The following ZNF577 variants were observed in gnomAD, a reference collection of about 807,000 sequenced individuals.
ZNF577 encodes zinc finger protein 577.
Under a neutral mutation model 13.9 loss-of-function variants are expected in ZNF577, and 14 were observed. The ratio of observed to expected loss-of-function variants is 1.00; its 90% CI spans 0.66 to 1.57. The LOEUF is 1.57. ZNF577 is among the 40% of genes most tolerant of loss of function. ZNF577 has a pLI of 0.00. For missense variants in ZNF577, 555 were observed against 579.2 expected, an observed-to-expected ratio of 0.96 and a Z score of 0.43; for synonymous variants, 203 against 202.9, an observed-to-expected ratio of 1.00 and a Z score of 0.00.
rs2084841300 is a variant in ZNF577 at position 51,880,323 on chromosome 19, C to T, written c.60G>A (p.Glu20=). ...VRREQGSSSG[E]GSLSFEDVAV... ...GCTCTCACAGCAATGACAAATTTACCTCCCCTGAAGAACTGCCTTGCTCTC... is the reference window on the plus strand; with the variant it reads ...GCTCTCACAGCAATGACAAATTTACTTCCCCTGAAGAACTGCCTTGCTCTC... Residue 20 remains glutamate, a splice_region_variant and synonymous_variant, in exon 3 of 6, where the codon GAG becomes GAA. Coordinates refer to ENST00000638348, the MANE Select transcript of ZNF577 (RefSeq NM_001370449.1). 1 of 1,613,878 alleles carries T rather than the reference C, an allele frequency of 6.2e-7. No homozygotes were observed. Among genetic ancestry groups the T allele is most frequent in the Non-Finnish European group, 8.5e-7 (1 of 1,179,974 alleles).
At position 51,868,484 on chromosome 19, in the gene ZNF577, C is replaced by T. The variant is rs1051858633; in HGVS notation, c.*4048G>A. 3.9e-5 allele frequency among the ~76,000 whole-genome samples: 6 copies of T among 152,160 alleles called. No homozygotes were observed. The highest frequency in any genetic ancestry group is 1.3e-4 in the Admixed American group (2 of 15,274). ...AATGGGATTCTGTAGGACTGCTTCC[C>T]ACCTCAGCCACACAGCAGGGCAGAC... On this transcript the variant is annotated 3_prime_UTR_variant, in exon 6 of 6. Coordinates refer to ENST00000638348, the MANE Select transcript of ZNF577 (RefSeq NM_001370449.1).
chr19:51,873,432 A>G lies in ZNF577; in HGVS notation c.558T>C (p.His186=), dbSNP rs2084699514. 4.3e-6 allele frequency: 7 copies of G among 1,614,026 alleles called. No homozygotes were observed. Among genetic ancestry groups the G allele is most frequent in the Non-Finnish European group, 5.1e-6 (6 of 1,180,002 alleles). The change falls in exon 6 of 6, where the codon CAT becomes CAC. Residue 186 remains histidine, a synonymous_variant. Coordinates refer to ENST00000638348, the MANE Select transcript of ZNF577 (RefSeq NM_001370449.1). ...HQRTERGEKP[H]GCGECGKTFM... is the part of the protein sequence containing the mutation. ...ATGTTTTCCCACATTCACCACATCC[A>G]TGGGGTTTCTCTCCTCTTTCAGTTC... is the stretch of plus-strand genomic sequence containing the variant.
chr19:51,866,191 T>C (rs190310146), downstream of ZNF577, among the ~76,000 whole-genome samples: 114 of 151,608 alleles, frequency 7.5e-4, no homozygotes, highest in African/African-American at 2.6e-3. Flanking sequence ...ACTTGAACAC[T>C]TATAATTGGG....
chr19:51,825,468 A>G (rs1468125402), intron 9 of ZNF577: 1 of 166,884 alleles, frequency 6.0e-6, no homozygotes, highest in African/African-American at 2.4e-5. Flanking sequence ...CCACAATTAG[A>G]AAGGCAAGGG....
downstream of ZNF577, among the ~76,000 whole-genome samples, chr19:51,864,941 C>A (rs1315845285): frequency 6.6e-6 from 1 of 152,142 alleles, no homozygotes; most frequent in Non-Finnish European, 1.5e-5. Context: ...AATAAGTACC[C>A]AGAAAAGAGG....
Position 51,877,371 on chromosome 19 carries a change from C to T in ZNF577, c.194G>A (p.Arg65Gln), listed in dbSNP as rs137892890. Residue 65 changes from arginine (R) to glutamine (Q), a missense_variant, in exon 5 of 6, where the codon CGA (arginine) becomes CAA (glutamine). Coordinates refer to ENST00000638348, the MANE Select transcript of ZNF577 (RefSeq NM_001370449.1). ...GAAGAGCGAATCTGGCTTGGTGCCT[C>T]GATACCCTGTAAATGGGAGATCACT... The part of the protein sequence containing the change: ...NYINLVSIGY[R>Q]GTKPDSLFKL... 29 of 1,613,848 alleles carry T rather than the reference C, an allele frequency of 1.8e-5. No individual in the cohort carries two copies. In the South Asian group the frequency reaches 3.0e-4, roughly 17 times the overall value.
chr19:51,817,527 T>A (rs77253816), intron 9 of ZNF577, among the ~76,000 whole-genome samples: 14 of 151,698 alleles, frequency 9.2e-5, no homozygotes, highest in South Asian at 4.2e-4. Flanking sequence ...TTTTTTTTTT[T>A]AAATTATTGT....
At chr19:51,831,018 T>A (rs1339488071) in intron 9 of ZNF577, among the ~76,000 whole-genome samples, 1 of 152,214 alleles carries the variant, frequency 6.6e-6, no homozygotes, top group African/African-American at 2.4e-5. Context: ...AACAGTTGCT[T>A]GACAAATCTT....
intron 9 of ZNF577, among the ~76,000 whole-genome samples, chr19:51,818,748 G>T (rs2084164359): frequency 6.6e-6 from 1 of 152,202 alleles, no homozygotes; most frequent in African/African-American, 2.4e-5. Context: ...CATGGGTCCA[G>T]CACAGTGTGT....
intron 5 of ZNF577, among the ~76,000 whole-genome samples, chr19:51,876,369 G>A (rs972252657): frequency 3.9e-5 from 6 of 152,104 alleles, no homozygotes; most frequent in Admixed American, 1.3e-4. Flanking sequence ...TAGCAGACAT[G>A]CTACTTTGCG....
intron 10 of ZNF577, among the ~76,000 whole-genome samples, chr19:51,807,397 C>T (rs370639148): frequency 3.3e-5 from 5 of 152,322 alleles, no homozygotes; most frequent in Middle Eastern, 3.4e-3. Flanking sequence ...CCACATCCTG[C>T]ATTCATGATA....
rs868490063 is a variant in ZNF577, at chr19:51,882,995, T to A, written c.-218-2118A>T. 1.0e-3 allele frequency among the ~76,000 whole-genome samples: 94 copies of A among 91,622 alleles called. No homozygotes were observed. In the South Asian group the frequency reaches 0.013, roughly 12 times the overall value. 60.1% of individuals were successfully genotyped at this position (91,622 alleles called of 152,430 possible). A position where few individuals can be genotyped will look rare whatever the true frequency, so the allele number is the denominator to read the frequency against. ...TTTGTGTGGGCTTTTTAAAAAAAAT[T>A]TTTTTTTTTTTTTTTTTGAGAAGGA... On this transcript the variant is annotated intron_variant, in intron 1 of 5. Coordinates refer to ENST00000638348, the MANE Select transcript of ZNF577 (RefSeq NM_001370449.1).
At chr19:51,878,268 C>T (rs959877480) in intron 4 of ZNF577, 121 bp downstream of exon 4, 12 of 1,112,566 alleles carry the variant, frequency 1.1e-5, no homozygotes, top group South Asian at 2.1e-5. Flanking sequence ...ATATATTTTA[C>T]CACCACAACA....
chr19:51,826,666 C>A (rs1482799349), intron 9 of ZNF577, among the ~76,000 whole-genome samples: 3 of 152,174 alleles, frequency 2.0e-5, no homozygotes, highest in Admixed American at 2.0e-4. Context: ...TGCAGTATTG[C>A]AGTAAACATG....
In ZNF577 at chr19:51,872,596, T is replaced by A. The variant is rs774453299; in HGVS notation, c.1394A>T (p.Glu465Val). ...TATTACTGATGGGGCCACATTCACT[T>A]CATTTGTGAGGCTTATTCTCTGTTC... ...EFEQRISLTN[E>V]VNVAPSVINY... The change falls in exon 6 of 6, where the codon GAA becomes GTA. Residue 465 changes from glutamate (E) to valine (V), a missense_variant. Coordinates refer to ENST00000638348, the MANE Select transcript of ZNF577 (RefSeq NM_001370449.1). 9.3e-6 allele frequency: 15 copies of A among 1,613,644 alleles called. No individual in the cohort carries two copies. The African/African-American group carries it at 2.0e-4, about 22-fold the overall frequency.
intron 3 of ZNF577, among the ~76,000 whole-genome samples, chr19:51,880,084 C>A (rs1260242854): frequency 6.6e-6 from 1 of 152,204 alleles, no homozygotes; most frequent in African/African-American, 2.4e-5. Flanking sequence ...GGCTTTATCA[C>A]TGGGCAAAGT....
At chr19:51,813,068 G>A (rs570407148) in intron 9 of ZNF577, among the ~76,000 whole-genome samples, 5 of 151,640 alleles carry the variant, frequency 3.3e-5, no homozygotes, top group South Asian at 2.1e-4. Context: ...GCAATGGGCC[G>A]AGATCACGCC....
rs1312820676 is a variant in ZNF577 at position 51,869,346 on chromosome 19, T to C, written c.*3186A>G. 6.6e-6 allele frequency among the ~76,000 whole-genome samples: 1 copy of C among 152,202 alleles called. No individual in the cohort carries two copies. The highest frequency in any genetic ancestry group is 2.4e-5 in the African/African-American group (1 of 41,442). On this transcript the variant is annotated 3_prime_UTR_variant, in exon 6 of 6. Transcript: ENST00000638348. The stretch of plus-strand genomic sequence containing the variant: ...GTTCTTTACTGCACTGAGATATTTG[T>C]GTAAAGTCAAACATAAATCTGGCCT...
At chr19:51,862,327 T>C (rs994810838), downstream of ZNF577, 2 of 152,476 alleles carry the variant, frequency 1.3e-5, no homozygotes, top group African/African-American at 4.8e-5. Context: ...CCTTACTGCA[T>C]GATGAGTTTT....
Sources: gnomAD v4.1 joint callset for allele counts (sites outside exome capture counted in the v4.1 genomes callset) on GRCh38, gnomAD v4.1.1 for gene constraint, MANE v1.5 for transcripts, NCBI Gene and HGNC (gene_info 2026-07-23, HGNC 2026-07-21) for gene names.